ACR: variants seen among roughly 807,000 people sequenced by gnomAD.
ACR encodes the protein acrosin, also known as acrosin light and heavy chain prepropeptide.
In ACR, 17 loss-of-function variants were observed where a neutral mutation model predicts 26.0. That is an observed-to-expected ratio of 0.65 (90% confidence interval 0.45 to 0.98). The LOEUF (loss-of-function observed/expected upper bound fraction) is 0.98, where lower values mean the gene tolerates loss of function less well. Ranked by LOEUF, ACR falls within the 50% of genes least tolerant of loss-of-function variation. The pLI is 0.00. For synonymous variants in ACR, 199 were observed against 207.7 expected (o/e 0.96, Z 0.36); for missense variants, 435 against 519.3 (o/e 0.84, Z 1.58).
intron 3 of ACR, among the ~76,000 whole-genome samples, chr22:50,741,625 T>C (rs2146854548): frequency 6.6e-6 from 1 of 152,138 alleles, no homozygotes; most frequent in Non-Finnish European, 1.5e-5. Context: ...TTGGGGTTTT[T>C]TTGTTTTTCA....
chr22:50,739,316 C>A lies in ACR; in HGVS notation c.123C>A (p.Val41=). ...TCAGGCAAAACCCACAGGGTGGTGT[C>A]CGCATCGTCGGCGGGAAGGCTGCAC... ...LRFRQNPQGG[V]RIVGGKAAQH... The change falls in exon 2 of 5, where the codon GTC becomes GTA. Residue 41 remains valine (V), a synonymous_variant. Coordinates refer to ENST00000216139, the MANE Select transcript of ACR (RefSeq NM_001097.3). The surrounding 1 kb of genome is among the most constrained non-coding windows in gnomAD (Gnocchi z 5.5). 2 of 1,602,982 alleles carry A rather than the reference C, an allele frequency of 1.2e-6. No individual in the cohort carries two copies. Among genetic ancestry groups the A allele is most frequent in the South Asian group, 2.2e-5 (2 of 89,270 alleles).
chr22:50,743,326 C>T lies in ACR; in HGVS notation c.566-735C>T, dbSNP rs560352934. On this transcript the variant is annotated intron_variant, in intron 3 of 4. Transcript: ENST00000216139. Reference sequence around the variant, plus strand: ...CTGGGATGACAGGCGTGAGCCACCGCGCCCAGCCAAGTCCAGGGCTTTCAA... The same window carrying T: ...CTGGGATGACAGGCGTGAGCCACCGTGCCCAGCCAAGTCCAGGGCTTTCAA... Among the ~76,000 whole-genome samples, 113 of 152,340 alleles carry T rather than the reference C, an allele frequency of 7.4e-4. 2 individuals carry two copies. The highest frequency in any genetic ancestry group is 3.7e-3 in the Admixed American group (57 of 15,308).
Position 50,744,929 on chromosome 22 carries a change from C to T in ACR, c.988C>T (p.Pro330Ser), listed in dbSNP as rs1485964688. The T allele has an allele frequency of 3.2e-6, 5 of 1,555,064 alleles. No homozygotes were observed. The highest frequency in any genetic ancestry group is 4.3e-6 in the Non-Finnish European group (5 of 1,153,720). The change falls in exon 5 of 5, where the codon CCG (proline) becomes TCG (serine). Residue 330 changes from proline to serine, a missense_variant. This residue lies in a region of ACR where 92 missense variants were observed against 87.8 expected (regional missense o/e 1.05). Transcript: ENST00000216139. ...ISAHLPWYFQPPPRPLPPRPP... is the reference protein window; with the variant it reads ...ISAHLPWYFQSPPRPLPPRPP... Reference sequence around the variant, plus strand: ...TGCTCACCTTCCTTGGTATTTCCAACCGCCCCCTCGACCACTTCCACCCCG... The same window carrying T: ...TGCTCACCTTCCTTGGTATTTCCAATCGCCCCCTCGACCACTTCCACCCCG...
At chr22:50,743,110 A>T (rs1042800955) in intron 3 of ACR, among the ~76,000 whole-genome samples, 3 of 151,250 alleles carry the variant, frequency 2.0e-5, no homozygotes, top group African/African-American at 7.3e-5. Context: ...ATCTCGGCTC[A>T]CTGCAAGCTC....
rs1221969100 is a variant in ACR at position 50,739,226 on chromosome 22, G to A, written c.78-45G>A. 2.0e-6 allele frequency: 3 copies of A among 1,508,426 alleles called. No homozygotes were observed. The highest frequency in any genetic ancestry group is 2.7e-6 in the Non-Finnish European group (3 of 1,110,134). The allele number at this position is 1,508,426 out of a possible 1,614,324, so 93.4% of individuals were successfully genotyped here. ...CTCAGTTGTGGAGTTACAAGGACAG[G>A]CTGTGCTCATGCCAGGTTTGAACTG... On this transcript the variant is annotated intron_variant, in intron 1 of 4. Coordinates refer to ENST00000216139, the MANE Select transcript of ACR (RefSeq NM_001097.3). This position sits in a 1 kb window ranked among gnomAD's most constrained non-coding sequence, Gnocchi z 5.5.
Position 50,739,802 on chromosome 22 carries a change from T to G in ACR, c.390T>G (p.Ile130Met), listed in dbSNP as rs543728233. Residue 130 changes from isoleucine (I) to methionine (M), a missense_variant, in exon 3 of 5, where the codon ATT becomes ATG. Coordinates refer to ENST00000216139, the MANE Select transcript of ACR (RefSeq NM_001097.3). The surrounding 1 kb of genome is among the most constrained non-coding windows in gnomAD (Gnocchi z 5.5). ...AGAGATATGTGGAGAAAATCATCAT[T>G]CATGAAAAATACAACTCTGCGACAG... Reference protein sequence around the residue: ...LQERYVEKIIIHEKYNSATEG... With the variant: ...LQERYVEKIIMHEKYNSATEG... The G allele has an allele frequency of 3.7e-6, 6 of 1,607,580 alleles. No homozygotes were observed. The South Asian group carries it at 6.7e-5, about 18-fold the overall frequency.
At chr22:50,743,361 C>CA (rs2083435237) in intron 3 of ACR, 1 of 152,596 alleles carries the variant, frequency 6.6e-6, no homozygotes, top group African/African-American at 2.4e-5. Flanking sequence ...AGGAAGTCCG[C>CA]ATCGGGGTTG....
chr22:50,740,395 G>A, intron 3 of ACR: 2 of 593,592 alleles, frequency 3.4e-6, no homozygotes, highest in East Asian at 2.8e-5. Context: ...TGGAGGGGCT[G>A]GATCAGATGG....
At position 50,739,532 on chromosome 22, in the gene ACR, G is replaced by A. The variant is rs1271982719; in HGVS notation, c.281+58G>A. ...AGAACGGCTCTTCTCAGAGAGGGGC[G>A]TTCCCCGGGGATGCTGTGCAGCGTC... On this transcript the variant is annotated intron_variant, in intron 2 of 4. Coordinates refer to ENST00000216139, the MANE Select transcript of ACR (RefSeq NM_001097.3). The surrounding 1 kb of genome is among the most constrained non-coding windows in gnomAD (Gnocchi z 5.5). The A allele has an allele frequency of 1.2e-5, 19 of 1,601,488 alleles. No individual in the cohort carries two copies. The East Asian group carries it at 1.3e-4, about 11-fold the overall frequency.
chr22:50,744,768 C>G lies in ACR; in HGVS notation c.827C>G (p.Thr276Arg). 6.2e-7 allele frequency: 1 copy of G among 1,611,994 alleles called. No homozygotes were observed. Among genetic ancestry groups the G allele is most frequent in the South Asian group, 1.1e-5 (1 of 90,830 alleles). Residue 276 changes from threonine (T) to arginine (R), a missense_variant, in exon 5 of 5, where the codon ACG becomes AGG. By Grantham distance (71) the Thr-to-Arg change is moderately conservative. Around this residue, in one of 3 missense-constraint regions of ACR, gnomAD observed 314 missense variants for 372.0 expected, o/e 0.84. Transcript: ENST00000216139. ...CARAKRPGIY[T>R]ATWPYLNWIA... The stretch of plus-strand genomic sequence containing the variant: ...CGTGCCAAGCGCCCCGGAATCTACA[C>G]GGCCACCTGGCCCTATCTGAACTGG...
Position 50,744,649 on chromosome 22 carries a change from A to C in ACR, c.712-4A>C, listed in dbSNP as rs879152747. Reference sequence around the variant, plus strand: ...GATAGTGACCTCTGTGTCCTTCTGGACAGGGAGACAGCGGCGGGCCTCTCA... The same window carrying C: ...GATAGTGACCTCTGTGTCCTTCTGGCCAGGGAGACAGCGGCGGGCCTCTCA... On this transcript the variant is annotated splice_region_variant and splice_polypyrimidine_tract_variant and intron_variant, in intron 4 of 4. Transcript: ENST00000216139. 1.2e-6 allele frequency: 2 copies of C among 1,611,800 alleles called. No homozygotes were observed. Among genetic ancestry groups the C allele is most frequent in the South Asian group, 2.2e-5 (2 of 90,838 alleles).
Position 50,739,663 on chromosome 22 carries a change from G to T in ACR, c.282-31G>T. The stretch of plus-strand genomic sequence containing the variant: ...CTGTCACCAGGCTTTTGTCCAGCCG[G>T]TTGTGACCTGGCTTACCTTTGTGCC... On this transcript the variant is annotated intron_variant, in intron 2 of 4. Coordinates refer to ENST00000216139, the MANE Select transcript of ACR (RefSeq NM_001097.3). The surrounding 1 kb of genome is among the most constrained non-coding windows in gnomAD (Gnocchi z 5.5). 1.3e-6 allele frequency: 2 copies of T among 1,538,088 alleles called. No individual in the cohort carries two copies. The highest frequency in any genetic ancestry group is 1.7e-6 in the Non-Finnish European group (2 of 1,143,452).
At position 50,740,792 on chromosome 22, in the gene ACR, G is replaced by A. The variant is rs1274637909; in HGVS notation, c.565+815G>A. On this transcript the variant is annotated intron_variant, in intron 3 of 4. Coordinates refer to ENST00000216139, the MANE Select transcript of ACR (RefSeq NM_001097.3). Reference sequence around the variant, plus strand: ...CCAGATGAGTTCTAGAAGAGTAGGGGGAATTTCTTCCGTACCAGACCAGGC... The same window carrying A: ...CCAGATGAGTTCTAGAAGAGTAGGGAGAATTTCTTCCGTACCAGACCAGGC... The A allele has an allele frequency of 8.8e-5, 61 of 692,168 alleles. 1 individual carries two copies. The highest frequency in any genetic ancestry group is 7.9e-4 in the South Asian group (53 of 66,718). 42.9% of individuals were successfully genotyped at this position (692,168 alleles called of 1,614,324 possible).
chr22:50,742,345 C>A (rs2083427971), intron 3 of ACR, among the ~76,000 whole-genome samples: 1 of 151,956 alleles, frequency 6.6e-6, no homozygotes, highest in South Asian at 2.1e-4. Context: ...GAGATCGAGA[C>A]CATCCTGGCT....
chr22:50,738,424 C>G, intron 1 of ACR, 112 bp downstream of exon 1: 1 of 1,099,752 alleles, frequency 9.1e-7, no homozygotes, highest in South Asian at 1.4e-5. Flanking sequence ...ACCTGGACCC[C>G]CCCTGCTCCC....
At chr22:50,742,285 C>T (rs1463280881) in intron 3 of ACR, among the ~76,000 whole-genome samples, 1 of 152,102 alleles carries the variant, frequency 6.6e-6, no homozygotes, top group African/African-American at 2.4e-5. Flanking sequence ...TGGCTCACTC[C>T]TGTAATCCCA....
chr22:50,745,041 C>T lies in ACR; in HGVS notation c.1100C>T (p.Pro367Leu). ...TCACCTTTACCCCCACCCCCACCCC[C>T]ACCCCCACCTACACCCTCATCTACC... ...PASPLPPPPPPPPPTPSSTTK... is the reference protein window; with the variant it reads ...PASPLPPPPPLPPPTPSSTTK... The change falls in exon 5 of 5, where the codon CCA (proline) becomes CTA (leucine). Residue 367 changes from proline (P) to leucine (L), a missense_variant. This residue lies in a region of ACR where 92 missense variants were observed against 87.8 expected (regional missense o/e 1.05). Transcript: ENST00000216139. The T allele has an allele frequency of 4.6e-6, 3 of 645,804 alleles. No individual in the cohort carries two copies. Among genetic ancestry groups the T allele is most frequent in the Non-Finnish European group, 7.2e-6 (3 of 418,778 alleles). The allele number at this position is 645,804 out of a possible 1,614,324, so 40.0% of individuals were successfully genotyped here.
chr22:50,738,403 C>A, intron 1 of ACR, 91 bp downstream of exon 1: 1 of 1,331,448 alleles, frequency 7.5e-7, no homozygotes, highest in Non-Finnish European at 1.1e-6. Flanking sequence ...GAAAAGGAGG[C>A]TGCATCCCTA....
At chr22:50,738,938 C>T (rs933677589) in intron 1 of ACR, among the ~76,000 whole-genome samples, 9 of 152,154 alleles carry the variant, frequency 5.9e-5, no homozygotes, top group Admixed American at 5.2e-4. Flanking sequence ...CATTACACCC[C>T]TCTGTCCCCA....
Sources: gnomAD v4.1 joint callset for allele counts (sites outside exome capture counted in the v4.1 genomes callset) on GRCh38, gnomAD v4.1.1 for gene constraint, gnomAD v4.1.1 regional missense constraint, Gnocchi (gnomAD v3.1) non-coding constraint, MANE v1.5 for transcripts, NCBI Gene and HGNC (gene_info 2026-07-23, HGNC 2026-07-21) for gene names.